Variants in DPP10 observed in about 807,000 individuals in gnomAD.
The protein encoded by DPP10 is inactive dipeptidyl peptidase 10.
Under a neutral mutation model 120.9 loss-of-function variants are expected in DPP10, and 33 were observed. That is an observed-to-expected ratio of 0.27 (90% CI 0.21 to 0.37). DPP10 has a LOEUF of 0.37. Among genes scored for constraint, DPP10 ranks in the 10% least tolerant of loss-of-function variants. DPP10 has a pLI of 1.00. For missense variants in DPP10, 816 were observed against 942.8 expected (o/e 0.87, Z 1.76); for synonymous variants, 337 against 326.1 (o/e 1.03, Z -0.36).
chr2:115,608,969 A>G (rs549939860), intron 5 of DPP10, among the ~76,000 whole-genome samples: 211 of 152,294 alleles, frequency 1.4e-3, no homozygotes, highest in Non-Finnish European at 2.1e-3. Context: ...ATAAAGATCA[A>G]GACAAATTCC....
chr2:115,267,718 A>G (rs1364733725), intron 1 of DPP10, among the ~76,000 whole-genome samples: 1 of 152,122 alleles, frequency 6.6e-6, no homozygotes, highest in Non-Finnish European at 1.5e-5. Context: ...CTTCTCCTAT[A>G]GGTAAACACA....
At chr2:115,834,994 G>A (rs1689309083) in intron 21 of DPP10, among the ~76,000 whole-genome samples, 2 of 151,190 alleles carry the variant, frequency 1.3e-5, no homozygotes, top group South Asian at 4.2e-4. Context: ...GCTGAGGCAG[G>A]AGAATGGCGT....
At chr2:115,567,836 A>AACTGTGTTCATT (rs2081096625) in intron 5 of DPP10, among the ~76,000 whole-genome samples, 1 of 152,218 alleles carries the variant, frequency 6.6e-6, no homozygotes, top group Non-Finnish European at 1.5e-5. Context: ...GTTTCCCTTG[A>AACTGTGTTCATT]ACTTTGCCAT....
chr2:115,256,677 T>C (rs2105717111), intron 1 of DPP10, among the ~76,000 whole-genome samples: 1 of 152,352 alleles, frequency 6.6e-6, no homozygotes, highest in South Asian at 2.1e-4. Flanking sequence ...AGCACCTGGC[T>C]ATTTTTGAGT....
intron 7 of DPP10, among the ~76,000 whole-genome samples, chr2:115,718,040 A>T (rs1334551687): frequency 2.0e-5 from 3 of 152,174 alleles, no homozygotes; most frequent in Non-Finnish European, 2.9e-5. Flanking sequence ...CGGTATAGAG[A>T]AAATGGGTGC....
intron 3 of DPP10, among the ~76,000 whole-genome samples, chr2:115,402,297 GA>G (rs756464043): frequency 2.8e-4 from 42 of 152,142 alleles, no homozygotes; most frequent in African/African-American, 5.1e-4. Context: ...TGTCCCACAG[GA>G]AACATTGGGA....
intron 1 of DPP10, among the ~76,000 whole-genome samples, chr2:115,001,219 A>T (rs1345311085): frequency 6.6e-6 from 1 of 152,222 alleles, no homozygotes; most frequent in Admixed American, 6.5e-5. Context: ...CAGCAGTTAG[A>T]TTTTGACACC....
chr2:115,506,155 A>T (rs765014807), intron 4 of DPP10, among the ~76,000 whole-genome samples: 1 of 152,106 alleles, frequency 6.6e-6, no homozygotes, highest in African/African-American at 2.4e-5. Flanking sequence ...CACAGCTTTG[A>T]TGATGTAGAA....
At chr2:115,698,073 T>C (rs894428624) in intron 7 of DPP10, among the ~76,000 whole-genome samples, 9 of 152,168 alleles carry the variant, frequency 5.9e-5, no homozygotes, top group African/African-American at 2.2e-4. Context: ...GCGTACACGT[T>C]CTTTCACGGG....
In DPP10 at chr2:115,411,902, T is replaced by G. The variant is rs183427746; in HGVS notation, c.271+67990T>G. On this transcript the variant is annotated intron_variant, in intron 3 of 25. Coordinates refer to ENST00000410059, the MANE Select transcript of DPP10 (RefSeq NM_020868.6). ...TGGTTCTCATGTTCCACCATGATTCTCTCTGTTCCTTAACAGTGTAATTTT... is the reference window on the plus strand; with the variant it reads ...TGGTTCTCATGTTCCACCATGATTCGCTCTGTTCCTTAACAGTGTAATTTT... 2.0e-5 allele frequency among the ~76,000 whole-genome samples: 3 copies of G among 152,326 alleles called. No individual in the cohort carries two copies. The East Asian group carries it at 5.8e-4, about 29-fold the overall frequency.
chr2:114,754,075 G>A (rs192604454), intron 1 of DPP10, among the ~76,000 whole-genome samples: 5 of 152,084 alleles, frequency 3.3e-5, no homozygotes, highest in Non-Finnish European at 7.4e-5. Context: ...TCTAAAAATC[G>A]CAGTTCAAAC....
At chr2:115,761,937 C>T (rs1007398312) in intron 11 of DPP10, among the ~76,000 whole-genome samples, 13 of 151,928 alleles carry the variant, frequency 8.6e-5, no homozygotes, top group South Asian at 2.1e-4. Flanking sequence ...TACATGTAAA[C>T]GGTATTATTA....
chr2:115,003,797 T>G (rs1156636637), intron 1 of DPP10, among the ~76,000 whole-genome samples: 1 of 152,114 alleles, frequency 6.6e-6, no homozygotes, highest in Non-Finnish European at 1.5e-5. Context: ...GTAAAAGCAA[T>G]CTATTGACAT....
intron 1 of DPP10, among the ~76,000 whole-genome samples, chr2:114,536,044 T>C (rs763256119): frequency 6.6e-6 from 1 of 152,096 alleles, no homozygotes; most frequent in Non-Finnish European, 1.5e-5. Flanking sequence ...GTTGGATGCC[T>C]CTAGGAATCT....
intron 17 of DPP10, among the ~76,000 whole-genome samples, chr2:115,785,275 C>T (rs1683202003): frequency 6.6e-6 from 1 of 152,170 alleles, no homozygotes; most frequent in South Asian, 2.1e-4. Flanking sequence ...TCAGGCCCAG[C>T]CACTGTTTTC....
chr2:114,903,393 C>A (rs1335219200), intron 1 of DPP10, among the ~76,000 whole-genome samples: 1 of 152,168 alleles, frequency 6.6e-6, no homozygotes, highest in South Asian at 2.1e-4. Flanking sequence ...ATTTTGCATT[C>A]CCACCAGTAA....
intron 5 of DPP10, among the ~76,000 whole-genome samples, chr2:115,578,137 G>C (rs2081793606): frequency 6.6e-6 from 1 of 152,106 alleles, no homozygotes; most frequent in South Asian, 2.1e-4. Context: ...TTGCTCCACT[G>C]TCTCTCCTTT....
At chr2:114,668,600 C>G (rs977612834) in intron 1 of DPP10, among the ~76,000 whole-genome samples, 3 of 152,114 alleles carry the variant, frequency 2.0e-5, no homozygotes, top group Non-Finnish European at 4.4e-5. Context: ...TGAAAAACCT[C>G]AAAATTAAAC....
At chr2:115,559,353 A>C in intron 5 of DPP10, among the ~76,000 whole-genome samples, 1 of 152,182 alleles carries the variant, frequency 6.6e-6, no homozygotes, top group East Asian at 1.9e-4. Flanking sequence ...ACACTTTTAA[A>C]GTGGCTTTTA....
Sources: allele counts gnomAD v4.1 joint callset (sites outside exome capture counted in the v4.1 genomes callset), GRCh38; gene constraint gnomAD v4.1.1; transcripts MANE v1.5; gene names NCBI Gene and HGNC (gene_info 2026-07-23, HGNC 2026-07-21).